Variants in DCTN1 observed in about 807,000 individuals in gnomAD.
The protein encoded by DCTN1 is dynactin subunit 1, also known as 150 kDa dynein-associated polypeptide.
In DCTN1, 61 loss-of-function variants were observed where a neutral mutation model predicts 161.2. The observed-to-expected ratio is 0.38, with a 90% CI of 0.31 to 0.47. The LOEUF (loss-of-function observed/expected upper bound fraction) is 0.47. Among genes scored for constraint, DCTN1 ranks in the 20% least tolerant of loss-of-function variants. DCTN1 has a pLI of 0.99. For synonymous variants in DCTN1, 653 were observed against 632.4 expected (o/e 1.03, Z -0.49); for missense variants, 1,404 against 1,623.7 (o/e 0.86, Z 2.33).
At chr2:74,380,487 G>A (rs553539030), upstream of DCTN1, 34 of 475,236 alleles carry the variant, frequency 7.2e-5, no homozygotes, top group South Asian at 5.3e-4. Context: ...CTCCTAGTCT[G>A]TACCCACTCA....
At chr2:74,388,906 G>A (rs1050353146) in intron 1 of DCTN1, among the ~76,000 whole-genome samples, 1 of 151,956 alleles carries the variant, frequency 6.6e-6, no homozygotes, top group African/African-American at 2.4e-5. Context: ...ACATATGTAC[G>A]CACACACACA....
At chr2:74,374,539 C>T (rs565128595) in intron 5 of DCTN1, 199 bp from the exon 6 acceptor site, 1 of 1,396,954 alleles carries the variant, frequency 7.2e-7, no homozygotes, top group African/African-American at 1.4e-5. Flanking sequence ...CGGCAGCTTC[C>T]CAGCCTGCAA....
chr2:74,365,565 T>C lies in DCTN1; in HGVS notation c.2979A>G (p.Lys993=), dbSNP rs749086177. ...GGGTCTCCTCCAGCCGAGTCTGGACTTTCTCGATGCGCTCATCTGCATCCT... is the reference window on the plus strand; with the variant it reads ...GGGTCTCCTCCAGCCGAGTCTGGACCTTCTCGATGCGCTCATCTGCATCCT... ...AAKDADERIE[K]VQTRLEETQA... is the part of the protein sequence containing the mutation. The change falls in exon 25 of 32, where the codon AAA becomes AAG. Residue 993 remains lysine (K), a synonymous_variant. Transcript: ENST00000628224. 6.2e-7 allele frequency: 1 copy of C among 1,614,134 alleles called. No individual in the cohort carries two copies. Among genetic ancestry groups the C allele is most frequent in the Non-Finnish European group, 8.5e-7 (1 of 1,180,026 alleles).
chr2:74,361,428 G>C lies in DCTN1; in HGVS notation c.*71C>G, dbSNP rs1245898757. On this transcript the variant is annotated 3_prime_UTR_variant, in exon 32 of 32. Transcript: ENST00000628224. Reference sequence around the variant, plus strand: ...ACGTTTCTACCTGGGGGCTGGCTGAGGTGGCTGTGCATCGGGCAGAGCGGC... The same window carrying C: ...ACGTTTCTACCTGGGGGCTGGCTGACGTGGCTGTGCATCGGGCAGAGCGGC... 6.2e-7 allele frequency: 1 copy of C among 1,608,268 alleles called. No individual in the cohort carries two copies. Among genetic ancestry groups the C allele is most frequent in the African/African-American group, 1.3e-5 (1 of 74,846 alleles).
intron 26 of DCTN1, 62 bp from the exon 27 acceptor site, chr2:74,363,690 G>A: frequency 6.2e-7 from 1 of 1,605,034 alleles, no homozygotes; most frequent in Non-Finnish European, 8.5e-7. Flanking sequence ...GGTGATTTGG[G>A]GGTTACGGGG....
intron 24 of DCTN1, 23 bp from the exon 25 acceptor site, chr2:74,365,680 G>C (rs771485993): frequency 6.2e-7 from 1 of 1,614,036 alleles, no homozygotes; most frequent in South Asian, 1.1e-5. Flanking sequence ...AGAACTTCTA[G>C]ATCCCTGACA....
chr2:74,375,371 AG>A (rs1026922325), intron 5 of DCTN1, among the ~76,000 whole-genome samples: 1 of 152,242 alleles, frequency 6.6e-6, no homozygotes, highest in Non-Finnish European at 1.5e-5. Context: ...GGGTGAGAGC[AG>A]GGGCCCTCTG....
upstream of DCTN1, chr2:74,380,689 T>G (rs1675475783): frequency 1.7e-5 from 7 of 404,650 alleles, no homozygotes; most frequent in South Asian, 1.3e-4. Context: ...TTCATGTGAG[T>G]AGGGCCTGGA....
At position 74,378,587 on chromosome 2, in the gene DCTN1, C is replaced by A. The variant is rs185568520; in HGVS notation, c.34-342G>T. The stretch of plus-strand genomic sequence containing the variant: ...CTCTTCTCAGGAGGGGAAATAAGAT[C>A]AAGCAAATAACTCAGTTTAGACCAG... On this transcript the variant is annotated intron_variant, in intron 1 of 31. Coordinates refer to ENST00000628224, the MANE Select transcript of DCTN1 (RefSeq NM_004082.5). 8.3e-4 allele frequency among the ~76,000 whole-genome samples: 126 copies of A among 152,332 alleles called. 1 individual carries two copies. Among genetic ancestry groups the A allele is most frequent in the African/African-American group, 2.9e-3 (120 of 41,574 alleles).
chr2:74,387,238 C>G lies in DCTN1; in HGVS notation c.-19+4556G>C, dbSNP rs80217337. Among the ~76,000 whole-genome samples, 352 of 152,334 alleles carry G rather than the reference C, an allele frequency of 2.3e-3. 4 individuals carry two copies. Among genetic ancestry groups the G allele is most frequent in the African/African-American group, 8.1e-3 (337 of 41,574 alleles). On this transcript the variant is annotated intron_variant, in intron 1 of 27. Coordinates refer to the DCTN1 transcript ENST00000409240. Reference sequence around the variant, plus strand: ...GTCAATCCTTTTCCTGGAATTTTCTCCTTTCCTAGCTTCCTGGGCAACATT... The same window carrying G: ...GTCAATCCTTTTCCTGGAATTTTCTGCTTTCCTAGCTTCCTGGGCAACATT...
intron 23 of DCTN1, 24 bp downstream of exon 23, chr2:74,366,220 T>C (rs1409094605): frequency 6.2e-7 from 1 of 1,613,864 alleles, no homozygotes; most frequent in African/African-American, 1.3e-5. Context: ...CCTCTGCAAC[T>C]TCTCCAAGGA....
At chr2:74,361,683 G>A (rs114222011) in intron 31 of DCTN1, 47 bp from the exon 32 acceptor site, 7 of 1,613,514 alleles carry the variant, frequency 4.3e-6, no homozygotes, top group Non-Finnish European at 5.9e-6. Flanking sequence ...GGGCTCACTT[G>A]AGCTGTGGGC....
intron 15 of DCTN1, 62 bp from the exon 16 acceptor site, chr2:74,368,942 GCCTTGCTCCAGTAGATC>G: frequency 6.2e-7 from 1 of 1,602,410 alleles, no homozygotes; most frequent in Non-Finnish European, 8.5e-7. Flanking sequence ...AAATTCCCAT[GCCTTGCTCCAGTAGATC>G]CCTTGCTTCT....
Position 74,378,239 on chromosome 2 carries a change from T to C in DCTN1, c.40A>G (p.Ser14Gly), listed in dbSNP as rs758320436. ...GCCTCCGCACTCATCCTGCTGCCGC[T>C]GGGCGTCTGAAAGACACAGGTAAAC... Reference protein sequence around the residue: ...SKRHVYSRTPSGSRMSAEASA... With the variant: ...SKRHVYSRTPGGSRMSAEASA... Residue 14 changes from serine (S) to glycine (G), a missense_variant, in exon 2 of 32, where the codon AGC becomes GGC. By Grantham distance (56) the Ser-to-Gly change is moderately conservative (BLOSUM62 0). Coordinates refer to ENST00000628224, the MANE Select transcript of DCTN1 (RefSeq NM_004082.5). The C allele has an allele frequency of 8.6e-5, 138 of 1,607,444 alleles. No individual in the cohort carries two copies. Among genetic ancestry groups the C allele is most frequent in the Non-Finnish European group, 1.1e-4 (132 of 1,180,018 alleles).
intron 19 of DCTN1, 66 bp downstream of exon 19, chr2:74,367,286 C>G (rs1362300073): frequency 6.3e-7 from 1 of 1,595,958 alleles, no homozygotes; most frequent in Non-Finnish European, 8.6e-7. Flanking sequence ...GGTGCCTGAT[C>G]TCTTGACCTG....
intron 1 of DCTN1, chr2:74,391,584 C>G: frequency 2.9e-6 from 1 of 341,244 alleles, no homozygotes; most frequent in Non-Finnish European, 5.8e-6. Context: ...CACTCTGATC[C>G]CAGGAGAACA....
At chr2:74,372,804 GAA>G (rs1674956945) in intron 7 of DCTN1, 122 bp downstream of exon 7, 3 of 1,047,424 alleles carry the variant, frequency 2.9e-6, no homozygotes, top group African/African-American at 1.6e-5. Flanking sequence ...CCTTTCCTCT[GAA>G]GAGAACCCAG....
At chr2:74,377,345 A>G in intron 4 of DCTN1, 87 bp downstream of exon 4, 4 of 1,196,214 alleles carry the variant, frequency 3.3e-6, no homozygotes, top group South Asian at 1.2e-5. Flanking sequence ...CTCACCTACT[A>G]CTTCTACCTG....
At chr2:74,368,159 G>A in intron 16 of DCTN1, 28 bp from the exon 17 acceptor site, 1 of 1,563,544 alleles carries the variant, frequency 6.4e-7, no homozygotes, top group Non-Finnish European at 8.7e-7. Flanking sequence ...AGGAACCTGG[G>A]CCTCAGAGCA....
Sources: gnomAD v4.1 joint callset for allele counts (sites outside exome capture counted in the v4.1 genomes callset) on GRCh38, gnomAD v4.1.1 for gene constraint, MANE v1.5 for transcripts, NCBI Gene and HGNC (gene_info 2026-07-23, HGNC 2026-07-21) for gene names.